CTIF: variants seen among roughly 807,000 people sequenced by gnomAD.
CTIF encodes the protein CBP80/20-dependent translation initiation factor.
In CTIF, 21 loss-of-function variants were observed where a neutral mutation model predicts 66.0. The observed-to-expected ratio is 0.32, with a 90% confidence interval of 0.23 to 0.46. The LOEUF (loss-of-function observed/expected upper bound fraction) is 0.46. CTIF is among the 20% of genes least tolerant of loss of function. The pLI, the probability that CTIF is intolerant of heterozygous loss-of-function variation, is 1.00. For synonymous variants in CTIF, 345 were observed against 326.4 expected (o/e 1.06, Z -0.62); for missense variants, 739 against 812.7 (o/e 0.91, Z 1.10).
At chr18:48,576,702 A>G (rs897745551) in intron 1 of CTIF, among the ~76,000 whole-genome samples, 3 of 152,234 alleles carry the variant, frequency 2.0e-5, no homozygotes, top group Non-Finnish European at 4.4e-5. Flanking sequence ...GGATTTGAGT[A>G]TGACACTAAG....
chr18:48,790,386 A>G (rs969030384), intron 9 of CTIF, among the ~76,000 whole-genome samples: 1 of 152,142 alleles, frequency 6.6e-6, no homozygotes, highest in Admixed American at 6.5e-5. Context: ...GCCATGGGAG[A>G]AGGCTGTTTC....
At chr18:48,545,520 A>G (rs2088725527) in intron 1 of CTIF, among the ~76,000 whole-genome samples, 1 of 152,044 alleles carries the variant, frequency 6.6e-6, no homozygotes, top group Non-Finnish European at 1.5e-5. Flanking sequence ...GACTTGGGGG[A>G]TAAGGGAATC....
chr18:48,728,255 G>C (rs1481373982), intron 7 of CTIF, among the ~76,000 whole-genome samples: 3 of 152,094 alleles, frequency 2.0e-5, no homozygotes, highest in Admixed American at 6.5e-5. Context: ...TCTCTTCATG[G>C]CATTTGAAGT....
intron 10 of CTIF, among the ~76,000 whole-genome samples, chr18:48,842,741 T>G (rs1256952816): frequency 3.9e-5 from 6 of 152,234 alleles, no homozygotes; most frequent in Admixed American, 3.9e-4. Flanking sequence ...CTTCCGTTGA[T>G]GTGGGTTTCT....
chr18:48,635,754 GGCTATATGACT>G (rs2090809697), intron 2 of CTIF, among the ~76,000 whole-genome samples: 1 of 152,224 alleles, frequency 6.6e-6, no homozygotes, highest in South Asian at 2.1e-4. Flanking sequence ...TGACAGGAAG[GGCTATATGACT>G]GCTACTGCAT....
At chr18:48,749,302 A>G (rs1349813577) in intron 7 of CTIF, among the ~76,000 whole-genome samples, 1 of 152,216 alleles carries the variant, frequency 6.6e-6, no homozygotes, top group East Asian at 1.9e-4. Flanking sequence ...GGCTGGGGAT[A>G]AAGGAAGTCA....
At chr18:48,570,065 G>A (rs546712372) in intron 1 of CTIF, among the ~76,000 whole-genome samples, 1 of 152,278 alleles carries the variant, frequency 6.6e-6, no homozygotes, top group South Asian at 2.1e-4. Flanking sequence ...CTGCAAACAC[G>A]TGGCCACGTT....
chr18:48,827,602 G>C (rs775452840), intron 10 of CTIF, among the ~76,000 whole-genome samples: 2 of 152,186 alleles, frequency 1.3e-5, no homozygotes, highest in Admixed American at 1.3e-4. Context: ...GAACCTTTCT[G>C]CATGAACAGT....
At chr18:48,663,533 C>T (rs1264086622) in intron 3 of CTIF, among the ~76,000 whole-genome samples, 3 of 152,022 alleles carry the variant, frequency 2.0e-5, no homozygotes, top group Admixed American at 6.5e-5. Context: ...GGCCTGGACC[C>T]TTCTGTATAC....
intron 1 of CTIF, among the ~76,000 whole-genome samples, chr18:48,576,897 G>GA (rs910308938): frequency 1.3e-5 from 2 of 152,278 alleles, no homozygotes; most frequent in African/African-American, 4.8e-5. Flanking sequence ...CTAGAAGGGT[G>GA]AAATTGTTAA....
intron 2 of CTIF, chr18:48,625,322 T>G: frequency 1.9e-6 from 1 of 520,344 alleles, no homozygotes; most frequent in Non-Finnish European, 2.5e-6. Flanking sequence ...TATTCTAAAT[T>G]ATACAAGTAC....
chr18:48,715,414 T>C (rs907323794), intron 7 of CTIF, among the ~76,000 whole-genome samples: 6 of 152,200 alleles, frequency 3.9e-5, no homozygotes, highest in Non-Finnish European at 7.3e-5. Flanking sequence ...GCTAAATGAG[T>C]GTTCCACGCG....
At chr18:48,546,536 G>A (rs2088754343) in intron 1 of CTIF, among the ~76,000 whole-genome samples, 1 of 152,098 alleles carries the variant, frequency 6.6e-6, no homozygotes, top group Admixed American at 6.5e-5. Flanking sequence ...TCCTTTCAAA[G>A]AAGAGCTAAG....
At chr18:48,857,711 G>T in intron 11 of CTIF, 70 bp downstream of exon 11, 2 of 1,431,404 alleles carry the variant, frequency 1.4e-6, no homozygotes, top group Non-Finnish European at 1.9e-6. Context: ...CAGTTCTAGG[G>T]GCACGAGGGT....
At chr18:48,714,093 G>A (rs1428109705) in intron 7 of CTIF, among the ~76,000 whole-genome samples, 4 of 152,234 alleles carry the variant, frequency 2.6e-5, no homozygotes, top group African/African-American at 7.2e-5. Context: ...TTGGGAAATC[G>A]TGGGATTCTG....
chr18:48,582,989 AG>A (rs2089692724), intron 1 of CTIF, among the ~76,000 whole-genome samples: 1 of 152,202 alleles, frequency 6.6e-6, no homozygotes, highest in Admixed American at 6.5e-5. Flanking sequence ...TGGGCAGCTG[AG>A]GGTCAGCACC....
chr18:48,754,918 C>G (rs1327793153), intron 7 of CTIF, among the ~76,000 whole-genome samples: 4 of 152,244 alleles, frequency 2.6e-5, no homozygotes, highest in Non-Finnish European at 5.9e-5. Context: ...TCTGGAGCCC[C>G]TGACCACTAG....
rs748577356 is a variant in CTIF, at chr18:48,758,207, C to T, written c.873C>T (p.His291=). The change falls in exon 8 of 12, where the codon CAC becomes CAT. Residue 291 remains histidine, a synonymous_variant. Transcript: ENST00000256413. Reference sequence around the variant, plus strand: ...AGGACACTGCAGGGGACACCGGGCACAGCAGCCTTGAGGCCCCCCGCAGCC... The same window carrying T: ...AGGACACTGCAGGGGACACCGGGCATAGCAGCCTTGAGGCCCCCCGCAGCC... ...KLEDTAGDTG[H]SSLEAPRSPD... 11 of 1,613,504 alleles carry T rather than the reference C, an allele frequency of 6.8e-6. No individual in the cohort carries two copies. In the Admixed American group the frequency reaches 1.5e-4, roughly 22 times the overall value.
chr18:48,663,625 G>C, intron 3 of CTIF, 127 bp from the exon 4 acceptor site: 3 of 805,022 alleles, frequency 3.7e-6, no homozygotes, highest in Non-Finnish European at 6.4e-6. Flanking sequence ...ACTCTGACTG[G>C]GTGCACCAGC....
Sources: allele counts gnomAD v4.1 joint callset (sites outside exome capture counted in the v4.1 genomes callset), GRCh38; gene constraint gnomAD v4.1.1; transcripts MANE v1.5; gene names NCBI Gene and HGNC (gene_info 2026-07-23, HGNC 2026-07-21).